Variants in PTPRE observed in about 807,000 individuals in gnomAD.
The protein encoded by PTPRE is protein tyrosine phosphatase receptor type E, also known as receptor-type tyrosine-protein phosphatase epsilon.
A neutral mutation model predicts 102.0 loss-of-function variants in PTPRE; 51 were observed. The ratio of observed to expected loss-of-function variants is 0.50; its 90% CI spans 0.40 to 0.63. PTPRE has a LOEUF of 0.63. Among genes scored for constraint, PTPRE ranks in the 30% least tolerant of loss-of-function variants. The pLI is 0.00. For missense variants in PTPRE, 752 were observed against 915.1 expected, an observed-to-expected ratio of 0.82 and a Z score of 2.30; for synonymous variants, 345 against 348.2, an observed-to-expected ratio of 0.99 and a Z score of 0.10.
chr10:128,020,194 A>T (rs1845763602), intron 2 of PTPRE, among the ~76,000 whole-genome samples: 1 of 152,262 alleles, frequency 6.6e-6, no homozygotes, highest in Non-Finnish European at 1.5e-5. Context: ...AGACCTTCTT[A>T]TTAAAGTATC....
chr10:128,083,026 T>C lies in PTPRE; in HGVS notation c.*120T>C. The C allele has an allele frequency of 9.5e-7, 1 of 1,053,632 alleles. No individual in the cohort carries two copies. The highest frequency in any genetic ancestry group is 1.3e-6 in the Non-Finnish European group (1 of 783,920). 65.3% of individuals were successfully genotyped at this position (1,053,632 alleles called of 1,614,324 possible). Reference sequence around the variant, plus strand: ...TAATTTCTTTGTATATATTTTGTTATGCCTTAAAGGCCACCTGCTATACAG... The same window carrying C: ...TAATTTCTTTGTATATATTTTGTTACGCCTTAAAGGCCACCTGCTATACAG... On this transcript the variant is annotated 3_prime_UTR_variant, in exon 21 of 21. Coordinates refer to ENST00000254667, the MANE Select transcript of PTPRE (RefSeq NM_006504.6).
At chr10:128,076,146 A>C (rs1429740070) in intron 17 of PTPRE, among the ~76,000 whole-genome samples, 1 of 152,230 alleles carries the variant, frequency 6.6e-6, no homozygotes, top group Non-Finnish European at 1.5e-5. Context: ...TTCTTCTTCC[A>C]AGAGTTTCAC....
chr10:128,029,045 C>T (rs1018735668), intron 2 of PTPRE, among the ~76,000 whole-genome samples: 1 of 152,230 alleles, frequency 6.6e-6, no homozygotes, highest in Non-Finnish European at 1.5e-5. Flanking sequence ...GGGGCATCCT[C>T]CCTCTTGATT....
Position 128,077,688 on chromosome 10 carries a change from G to T in PTPRE, c.1797G>T (p.Gly599=), listed in dbSNP as rs533670485. The part of the protein sequence containing the change: ...QFHFHGWPEI[G]IPAEGKGMID... ...ACTTCCACGGCTGGCCTGAGATCGG[G>T]ATTCCCGCCGAGGGCAAAGGCATGA... Residue 599 remains glycine (G), a synonymous_variant, in exon 19 of 21, where the codon GGG becomes GGT. Coordinates refer to ENST00000254667, the MANE Select transcript of PTPRE (RefSeq NM_006504.6). 1 of 1,613,906 alleles carries T rather than the reference G, an allele frequency of 6.2e-7. No homozygotes were observed. Among genetic ancestry groups the T allele is most frequent in the East Asian group, 2.2e-5 (1 of 44,868 alleles).
In PTPRE at chr10:127,961,316, G is replaced by A. The variant is rs543751085; in HGVS notation, c.-30-20958G>A. Among the ~76,000 whole-genome samples, 16 of 152,298 alleles carry A rather than the reference G, an allele frequency of 1.1e-4. No individual in the cohort carries two copies. In the East Asian group the frequency reaches 1.5e-3, roughly 15 times the overall value. On this transcript the variant is annotated intron_variant, in intron 1 of 20. Transcript: ENST00000254667. ...TCCCCTTTTTGGAGCAGGGTTGGCC[G>A]GAGGCAGGATGAGAACAGTGTGGGC... is the stretch of plus-strand genomic sequence containing the variant.
intron 6 of PTPRE, among the ~76,000 whole-genome samples, chr10:128,054,461 T>C (rs1352772575): frequency 1.3e-5 from 2 of 152,120 alleles, no homozygotes; most frequent in Non-Finnish European, 2.9e-5. Flanking sequence ...AAGATAGCCC[T>C]GATGAAGAAT....
At chr10:128,061,351 T>C (rs1428416478) in intron 8 of PTPRE, among the ~76,000 whole-genome samples, 2 of 152,368 alleles carry the variant, frequency 1.3e-5, no homozygotes, top group South Asian at 4.1e-4. Flanking sequence ...TAAAAGATCA[T>C]TTAATATCAA....
intron 1 of PTPRE, among the ~76,000 whole-genome samples, chr10:127,922,222 C>A (rs1846653713): frequency 6.6e-6 from 1 of 152,258 alleles, no homozygotes; most frequent in Non-Finnish European, 1.5e-5. Flanking sequence ...CAGTTCCATT[C>A]ATTCATTCAC....
intron 1 of PTPRE, among the ~76,000 whole-genome samples, chr10:127,933,883 A>G (rs1383267012): frequency 6.6e-6 from 1 of 152,160 alleles, no homozygotes. Flanking sequence ...CTAAACCTCG[A>G]TTTCCCTAAT....
chr10:128,077,489 G>T, intron 18 of PTPRE, 128 bp from the exon 19 acceptor site: 1 of 1,198,982 alleles, frequency 8.3e-7, no homozygotes, highest in East Asian at 2.6e-5. Flanking sequence ...CTGCCTCGGT[G>T]GGGATGTTGG....
At chr10:127,991,044 A>T (rs897421154) in intron 2 of PTPRE, among the ~76,000 whole-genome samples, 4 of 152,224 alleles carry the variant, frequency 2.6e-5, no homozygotes, top group African/African-American at 9.6e-5. Flanking sequence ...TGCTAGAAGA[A>T]GTGATTCACT....
intron 1 of PTPRE, chr10:127,936,021 G>A (rs778121394): frequency 6.6e-6 from 1 of 152,218 alleles, no homozygotes; most frequent in African/African-American, 2.4e-5. Flanking sequence ...CAGCTTCTGG[G>A]ATGCACTCTC....
chr10:128,022,545 C>G (rs1419106797), intron 2 of PTPRE, among the ~76,000 whole-genome samples: 1 of 152,212 alleles, frequency 6.6e-6, no homozygotes, highest in Non-Finnish European at 1.5e-5. Context: ...CTGTGCTCCT[C>G]CTGGTCACCC....
chr10:127,916,397 G>C (rs368536821), intron 1 of PTPRE, among the ~76,000 whole-genome samples: 2 of 152,168 alleles, frequency 1.3e-5, no homozygotes, highest in East Asian at 1.9e-4. Flanking sequence ...TGTGAAGAAG[G>C]TGCCTTGCTT....
chr10:127,952,937 C>T (rs1398165111), intron 1 of PTPRE, among the ~76,000 whole-genome samples: 2 of 152,154 alleles, frequency 1.3e-5, no homozygotes, highest in African/African-American at 2.4e-5. Flanking sequence ...AATTTAGGTG[C>T]CTCCTACCTC....
At chr10:127,931,532 G>A (rs556046699) in intron 1 of PTPRE, among the ~76,000 whole-genome samples, 3 of 152,208 alleles carry the variant, frequency 2.0e-5, no homozygotes, top group African/African-American at 7.2e-5. Context: ...TCTGTTTTTC[G>A]TATATGAAGA....
At chr10:127,967,474 A>G (rs375268901) in intron 1 of PTPRE, among the ~76,000 whole-genome samples, 1 of 152,190 alleles carries the variant, frequency 6.6e-6, no homozygotes, top group Non-Finnish European at 1.5e-5. Context: ...TCCCCTGCAC[A>G]CACACTCTTG....
At chr10:127,980,269 T>G (rs563156062) in intron 1 of PTPRE, among the ~76,000 whole-genome samples, 1 of 152,290 alleles carries the variant, frequency 6.6e-6, no homozygotes, top group South Asian at 2.1e-4. Flanking sequence ...GCTGCCCCAG[T>G]AGGTGCTTTG....
At chr10:127,934,359 A>G (rs1007370517) in intron 1 of PTPRE, 1 of 152,156 alleles carries the variant, frequency 6.6e-6, no homozygotes, top group Non-Finnish European at 1.5e-5. Context: ...TTTGCTTTGA[A>G]GAGAGAGTCA....
Sources: gnomAD v4.1 joint callset for allele counts (sites outside exome capture counted in the v4.1 genomes callset) on GRCh38, gnomAD v4.1.1 for gene constraint, MANE v1.5 for transcripts, NCBI Gene and HGNC (gene_info 2026-07-23, HGNC 2026-07-21) for gene names.